The following GPC5 variants were observed in gnomAD, a reference collection of about 807,000 sequenced individuals.
The protein encoded by GPC5 is glypican-5.
In GPC5, 47 loss-of-function variants were observed where a neutral mutation model predicts 53.9. The ratio of observed to expected loss-of-function variants is 0.87; its 90% CI spans 0.69 to 1.11. The LOEUF (loss-of-function observed/expected upper bound fraction) is 1.11, where lower values mean the gene tolerates loss of function less well. GPC5 is among the 50% of genes most tolerant of loss of function. GPC5 has a pLI of 0.00. For missense variants in GPC5, 748 were observed against 713.1 expected, an observed-to-expected ratio of 1.05 and a Z score of -0.56; for synonymous variants, 286 against 263.3, an observed-to-expected ratio of 1.09 and a Z score of -0.84.
rs577102107 is a variant in GPC5, at chr13:92,097,600, T to A, written c.1402-47230T>A. Among the ~76,000 whole-genome samples the A allele has an allele frequency of 3.9e-5, 6 of 152,314 alleles. No homozygotes were observed. The South Asian group carries it at 1.2e-3, about 32-fold the overall frequency. The stretch of plus-strand genomic sequence containing the variant: ...TAGAGATAAGATTATGTAAGAAATA[T>A]CTGTGGACAAGCCTTTGCTCTACTG... On this transcript the variant is annotated intron_variant, in intron 6 of 7. Transcript: ENST00000377067.
intron 7 of GPC5, among the ~76,000 whole-genome samples, chr13:92,304,105 T>C (rs961952356): frequency 2.0e-5 from 3 of 152,188 alleles, no homozygotes; most frequent in African/African-American, 7.2e-5. Context: ...TGGTTGGCTG[T>C]ATATGGTGAA....
At chr13:92,624,829 A>G in intron 7 of GPC5, among the ~76,000 whole-genome samples, 1 of 152,228 alleles carries the variant, frequency 6.6e-6, no homozygotes, top group East Asian at 1.9e-4. Context: ...CTGGAGAAAT[A>G]CACTTGGCTT....
chr13:92,004,590 G>A (rs995937332), intron 6 of GPC5, among the ~76,000 whole-genome samples: 2 of 149,816 alleles, frequency 1.3e-5, no homozygotes, highest in African/African-American at 4.9e-5. Flanking sequence ...ATTAATGTTA[G>A]ATAGAATAGA....
chr13:92,199,823 T>G (rs1190478334), intron 7 of GPC5, among the ~76,000 whole-genome samples: 2 of 152,206 alleles, frequency 1.3e-5, no homozygotes, highest in Admixed American at 6.5e-5. Context: ...AACACAATTT[T>G]TTTTAAAAAA....
At chr13:92,412,425 A>C (rs968256134) in intron 7 of GPC5, among the ~76,000 whole-genome samples, 2 of 152,230 alleles carry the variant, frequency 1.3e-5, no homozygotes, top group African/African-American at 4.8e-5. Flanking sequence ...TCGTGTGTTC[A>C]GTAGGAAACT....
intron 6 of GPC5, among the ~76,000 whole-genome samples, chr13:92,008,856 T>C (rs1490671265): frequency 6.6e-6 from 1 of 152,172 alleles, no homozygotes; most frequent in Non-Finnish European, 1.5e-5. Flanking sequence ...TTCATTTCAT[T>C]TTTTTCCTTT....
intron 6 of GPC5, among the ~76,000 whole-genome samples, chr13:92,062,820 T>C (rs567947725): frequency 6.6e-6 from 1 of 152,134 alleles, no homozygotes; most frequent in South Asian, 2.1e-4. Context: ...TTCCTTATTG[T>C]TTAAGAACAA....
At chr13:92,739,259 T>C (rs1386917335) in intron 7 of GPC5, among the ~76,000 whole-genome samples, 2 of 152,088 alleles carry the variant, frequency 1.3e-5, no homozygotes, top group African/African-American at 2.4e-5. Flanking sequence ...ATTTGACAAA[T>C]TGGTGTGCCT....
rs368485583 is a variant in GPC5, at chr13:91,462,519, G to A, written c.325+13597G>A. Among the ~76,000 whole-genome samples, 18 of 152,222 alleles carry A rather than the reference G, an allele frequency of 1.2e-4. No individual in the cohort carries two copies. In the East Asian group the frequency reaches 2.9e-3, roughly 25 times the overall value. On this transcript the variant is annotated intron_variant, in intron 2 of 7. Coordinates refer to ENST00000377067, the MANE Select transcript of GPC5 (RefSeq NM_004466.6). ...TTTGGTTTAAATGTTGCTAGTCATA[G>A]TTTCATAAAATTATCTATTGGATAA...
chr13:92,609,616 C>G (rs1884369702), intron 7 of GPC5, among the ~76,000 whole-genome samples: 1 of 152,154 alleles, frequency 6.6e-6, no homozygotes, highest in Non-Finnish European at 1.5e-5. Context: ...GACCAGCTTT[C>G]ATGCATGAAA....
chr13:91,791,804 A>T (rs2037969579), intron 5 of GPC5, among the ~76,000 whole-genome samples: 2 of 152,202 alleles, frequency 1.3e-5, no homozygotes, highest in African/African-American at 4.8e-5. Flanking sequence ...GGTTAAGCAG[A>T]TCTGAATATG....
chr13:92,659,803 C>A (rs1483927265), intron 7 of GPC5, among the ~76,000 whole-genome samples: 1 of 152,040 alleles, frequency 6.6e-6, no homozygotes, highest in Admixed American at 6.6e-5. Context: ...CTGATGTTCC[C>A]TGAGGAAGTG....
intron 7 of GPC5, among the ~76,000 whole-genome samples, chr13:92,527,988 A>C (rs1333105008): frequency 6.6e-6 from 1 of 152,172 alleles, no homozygotes; most frequent in African/African-American, 2.4e-5. Context: ...ATGTTGATTC[A>C]TTCAATAATA....
chr13:91,856,648 C>T (rs1184781119), intron 5 of GPC5, among the ~76,000 whole-genome samples: 1 of 150,866 alleles, frequency 6.6e-6, no homozygotes, highest in Non-Finnish European at 1.5e-5. Flanking sequence ...ATAACTTTTT[C>T]TGATTGATGT....
chr13:92,604,436 A>G (rs1884185093), intron 7 of GPC5, among the ~76,000 whole-genome samples: 1 of 152,184 alleles, frequency 6.6e-6, no homozygotes, highest in African/African-American at 2.4e-5. Context: ...GAATTAACAA[A>G]CCAAATGGCT....
chr13:92,350,787 AAT>A (rs1410035633), intron 7 of GPC5, among the ~76,000 whole-genome samples: 8 of 152,174 alleles, frequency 5.3e-5, no homozygotes, highest in Middle Eastern at 3.2e-3. Context: ...TTACTCCATA[AAT>A]ATATGTTATA....
chr13:92,663,856 CTATA>C (rs201565650), intron 7 of GPC5, among the ~76,000 whole-genome samples: 922 of 88,106 alleles, frequency 0.01, 8 homozygotes, highest in African/African-American at 0.032. Flanking sequence ...CACACACACA[CTATA>C]TATATATATA....
intron 7 of GPC5, among the ~76,000 whole-genome samples, chr13:92,276,052 AG>A (rs2042872978): frequency 6.6e-6 from 1 of 152,122 alleles, no homozygotes; most frequent in Non-Finnish European, 1.5e-5. Flanking sequence ...AAATGAACTG[AG>A]AATTGCTGTC....
At chr13:91,829,234 G>C (rs2038619386) in intron 5 of GPC5, among the ~76,000 whole-genome samples, 1 of 152,036 alleles carries the variant, frequency 6.6e-6, no homozygotes, top group South Asian at 2.1e-4. Context: ...ATATGAAGGA[G>C]AGTCCAAAAA....
Sources: allele counts gnomAD v4.1 joint callset (sites outside exome capture counted in the v4.1 genomes callset), GRCh38; gene constraint gnomAD v4.1.1; transcripts MANE v1.5; gene names NCBI Gene and HGNC (gene_info 2026-07-23, HGNC 2026-07-21).